The following SYT7 variants were observed in gnomAD, a reference collection of about 807,000 sequenced individuals.
SYT7 encodes the protein synaptotagmin-7.
Under a neutral mutation model 75.1 loss-of-function variants are expected in SYT7, and 29 were observed. That is an observed-to-expected ratio of 0.39 (90% confidence interval 0.29 to 0.53). The LOEUF (loss-of-function observed/expected upper bound fraction) is 0.53, where lower values mean the gene tolerates loss of function less well. Among genes scored for constraint, SYT7 ranks in the 20% least tolerant of loss-of-function variants. The pLI is 0.77. For synonymous variants in SYT7, 376 were observed against 401.7 expected (o/e 0.94, Z 0.76); for missense variants, 693 against 953.2 (o/e 0.73, Z 3.59).
At chr11:61,561,237 G>T (rs1417921825) in intron 1 of SYT7, among the ~76,000 whole-genome samples, 2 of 152,180 alleles carry the variant, frequency 1.3e-5, no homozygotes, top group Admixed American at 1.3e-4. Flanking sequence ...CGGCGGGTAA[G>T]GCACAGCATA....
rs1446637477 is a variant in SYT7 at position 61,542,445 on chromosome 11, C to T, written c.707G>A (p.Arg236Gln). 1.2e-5 allele frequency: 19 copies of T among 1,532,770 alleles called. No homozygotes were observed. The highest frequency in any genetic ancestry group is 6.9e-5 in the African/African-American group (5 of 72,898). The allele number at this position is 1,532,770 out of a possible 1,614,324, so 94.9% of individuals were successfully genotyped here. Reference sequence around the variant, plus strand: ...GGTGGGCTGGCTGGGCTGCCGGCCCCGCTGGTGCTGGCTCAGCGGCTGTTG... The same window carrying T: ...GGTGGGCTGGCTGGGCTGCCGGCCCTGCTGGTGCTGGCTCAGCGGCTGTTG... ...SLQQPLSQHQ[R>Q]GRQPSQPTTS... Residue 236 changes from arginine to glutamine, a missense_variant, in exon 6 of 13, where the codon CGG becomes CAG. Coordinates refer to ENST00000539008, the MANE Select transcript of SYT7 (RefSeq NM_001365809.2). The surrounding 1 kb of genome is among the most constrained non-coding windows in gnomAD (Gnocchi z 7.8).
intron 12 of SYT7, among the ~76,000 whole-genome samples, chr11:61,522,531 T>C (rs1169227414): frequency 6.6e-6 from 1 of 152,136 alleles, no homozygotes; most frequent in African/African-American, 2.4e-5. Context: ...CAAGCAATTC[T>C]TACGCCACCC....
At position 61,546,338 on chromosome 11, in the gene SYT7, C is replaced by T. The variant is rs939691696; in HGVS notation, c.348-83G>A. ...GAGAGGGCAGGCCATACGTGGGGGT[C>T]GGGGGGTGGAAGAGGAAGAAAAACA... On this transcript the variant is annotated intron_variant, in intron 4 of 12. Coordinates refer to ENST00000539008, the MANE Select transcript of SYT7 (RefSeq NM_001365809.2). The surrounding 1 kb of genome is among the most constrained non-coding windows in gnomAD (Gnocchi z 7.6). 2.3e-5 allele frequency: 21 copies of T among 911,062 alleles called. No homozygotes were observed. Among genetic ancestry groups the T allele is most frequent in the African/African-American group, 3.6e-5 (2 of 56,016 alleles). The allele number at this position is 911,062 out of a possible 1,614,324, so 56.4% of individuals were successfully genotyped here. A position where few individuals can be genotyped will look rare whatever the true frequency, so the allele number is the denominator to read the frequency against.
Position 61,533,056 on chromosome 11 carries a change from T to C in SYT7, c.1133A>G (p.Asp378Gly). The stretch of plus-strand genomic sequence containing the variant: ...GGAGGAACGTGGCTCGGTCCGGCGG[T>C]CGGACTCATCGTGGGGTGTCTGGCC... Reference protein sequence around the residue: ...VPGQTPHDESDRRTEPRSSVS... With the variant: ...VPGQTPHDESGRRTEPRSSVS... Residue 378 changes from aspartate to glycine, a missense_variant, in exon 8 of 13, where the codon GAC (aspartate) becomes GGC (glycine). Asp to Gly is a moderately conservative substitution (Grantham distance 94, BLOSUM62 -1). Coordinates refer to ENST00000539008, the MANE Select transcript of SYT7 (RefSeq NM_001365809.2). 1 of 1,613,174 alleles carries C rather than the reference T, an allele frequency of 6.2e-7. No homozygotes were observed. Among genetic ancestry groups the C allele is most frequent in the Non-Finnish European group, 8.5e-7 (1 of 1,179,934 alleles).
chr11:61,531,171 G>C, intron 8 of SYT7: 1 of 978,610 alleles, frequency 1.0e-6, no homozygotes, highest in Non-Finnish European at 1.2e-6. Flanking sequence ...TAACATCAAC[G>C]ACCTAGCATT....
At position 61,551,501 on chromosome 11, in the gene SYT7, G is replaced by A. The variant is rs1400665034; in HGVS notation, c.136-38C>T. The A allele has an allele frequency of 1.9e-6, 3 of 1,592,552 alleles. No homozygotes were observed. Among genetic ancestry groups the A allele is most frequent in the Non-Finnish European group, 2.6e-6 (3 of 1,162,012 alleles). ...CACTAGGATCACTCCTGGGGAACAG[G>A]ACTGTACCCTCCCTACCTCCCCAGA... On this transcript the variant is annotated intron_variant, in intron 2 of 12. Coordinates refer to ENST00000539008, the MANE Select transcript of SYT7 (RefSeq NM_001365809.2). This position sits in a 1 kb window ranked among gnomAD's most constrained non-coding sequence, Gnocchi z 5.3.
At position 61,576,255 on chromosome 11, in the gene SYT7, G is replaced by A. The variant is rs2064075058; in HGVS notation, c.31+4535C>T. Among the ~76,000 whole-genome samples the A allele has an allele frequency of 6.6e-6, 1 of 152,216 alleles. No homozygotes were observed. Among genetic ancestry groups the A allele is most frequent in the Non-Finnish European group, 1.5e-5 (1 of 68,032 alleles). Reference sequence around the variant, plus strand: ...GCTGCCCCTGCTGCCTGGAAGGTCAGGGACCTCCATGCCCACGGAACTGGC... The same window carrying A: ...GCTGCCCCTGCTGCCTGGAAGGTCAAGGACCTCCATGCCCACGGAACTGGC... On this transcript the variant is annotated intron_variant, in intron 1 of 12. Transcript: ENST00000539008. This position sits in a 1 kb window ranked among gnomAD's most constrained non-coding sequence, Gnocchi z 4.1.
upstream of SYT7, among the ~76,000 whole-genome samples, chr11:61,584,098 A>T (rs2064334841): frequency 6.6e-6 from 1 of 152,184 alleles, no homozygotes; most frequent in Admixed American, 6.5e-5. Flanking sequence ...ACTTAAAATG[A>T]TACTTGGGGG....
intron 1 of SYT7, among the ~76,000 whole-genome samples, chr11:61,569,765 G>A (rs2063870036): frequency 6.6e-6 from 1 of 152,168 alleles, no homozygotes; most frequent in South Asian, 2.1e-4. Context: ...ACCCCAGGGA[G>A]AAGGGGGAGG....
chr11:61,524,540 T>C lies in SYT7; in HGVS notation c.1472-8A>G. On this transcript the variant is annotated splice_polypyrimidine_tract_variant and splice_region_variant and intron_variant, in intron 9 of 12. Coordinates refer to ENST00000539008, the MANE Select transcript of SYT7 (RefSeq NM_001365809.2). This position sits in a 1 kb window ranked among gnomAD's most constrained non-coding sequence, Gnocchi z 4.1. ...CCTTCTCATAGGGAAAACCTGGGGG[T>C]ATAGATGAGTGTGAGTGAAGAGGGG... 6.4e-7 allele frequency: 1 copy of C among 1,572,352 alleles called. No individual in the cohort carries two copies. Among genetic ancestry groups the C allele is most frequent in the South Asian group, 1.2e-5 (1 of 83,204 alleles).
upstream of SYT7, chr11:61,581,113 ATGTG>A (rs958968389): frequency 4.8e-6 from 1 of 209,324 alleles, no homozygotes; most frequent in African/African-American, 2.4e-5. Context: ...GGCCGTGTGT[ATGTG>A]TGTGTGTGAG....
chr11:61,538,867 C>T (rs533674301), intron 6 of SYT7, among the ~76,000 whole-genome samples: 44 of 152,328 alleles, frequency 2.9e-4, no homozygotes, highest in African/African-American at 9.4e-4. Context: ...TCATAGACAA[C>T]GCTGTGTCAT....
At chr11:61,561,146 G>A (rs1481700512) in intron 1 of SYT7, among the ~76,000 whole-genome samples, 1 of 152,228 alleles carries the variant, frequency 6.6e-6, no homozygotes, top group African/African-American at 2.4e-5. Context: ...CTGGGGGAAA[G>A]AAAATTTGGA....
intron 7 of SYT7, chr11:61,533,591 C>T: frequency 1.0e-6 from 1 of 985,392 alleles, no homozygotes; most frequent in Non-Finnish European, 1.2e-6. Context: ...TGTCTGTTTC[C>T]CAGATGCCCC....
At chr11:61,569,682 C>A (rs75970828) in intron 1 of SYT7, among the ~76,000 whole-genome samples, 5,298 of 151,768 alleles carry the variant, frequency 0.035, 314 homozygotes, top group African/African-American at 0.12. Flanking sequence ...GGCAGAGAGA[C>A]AGATACTGGA....
At chr11:61,547,400 CGG>C in intron 3 of SYT7, 92 bp from the exon 4 acceptor site, 1 of 1,435,138 alleles carries the variant, frequency 7.0e-7, no homozygotes, top group South Asian at 1.3e-5. Flanking sequence ...ACCAGGACCC[CGG>C]GGCCGGGCAC....
chr11:61,540,334 C>T (rs1283102649), intron 6 of SYT7: 1 of 235,412 alleles, frequency 4.2e-6, no homozygotes, highest in African/African-American at 2.3e-5. Flanking sequence ...AAGTAAAGAG[C>T]CTCAGAAACA....
At chr11:61,548,667 G>A (rs983180521) in intron 3 of SYT7, among the ~76,000 whole-genome samples, 1 of 152,148 alleles carries the variant, frequency 6.6e-6, no homozygotes, top group Non-Finnish European at 1.5e-5. Flanking sequence ...GCCAGCGGGG[G>A]CACACCCCAC....
chr11:61,554,943 C>A (rs2063453859), intron 2 of SYT7, among the ~76,000 whole-genome samples: 1 of 152,228 alleles, frequency 6.6e-6, no homozygotes, highest in African/African-American at 2.4e-5. Flanking sequence ...CGCATGCTCC[C>A]AAGTCCTCAG....
Sources: gnomAD v4.1 joint callset for allele counts (sites outside exome capture counted in the v4.1 genomes callset) on GRCh38, gnomAD v4.1.1 for gene constraint, Gnocchi (gnomAD v3.1) non-coding constraint, MANE v1.5 for transcripts, NCBI Gene and HGNC (gene_info 2026-07-23, HGNC 2026-07-21) for gene names.